The following LARS2 variants were observed in gnomAD, a reference collection of about 807,000 sequenced individuals.
LARS2 encodes leucine--tRNA ligase, mitochondrial.
LARS2 carries 81 observed loss-of-function variants against 116.6 expected under a neutral mutation model. The observed-to-expected ratio is 0.69, with a 90% CI of 0.58 to 0.84. The LOEUF (loss-of-function observed/expected upper bound fraction) is 0.84, where lower values mean the gene tolerates loss of function less well. Ranked by LOEUF, LARS2 falls within the 40% of genes least tolerant of loss-of-function variation. LARS2 has a pLI of 0.00. For missense variants in LARS2, 968 were observed against 1,114.5 expected (o/e 0.87, Z 1.87); for synonymous variants, 396 against 407.2 (o/e 0.97, Z 0.33).
intron 16 of LARS2, 50 bp downstream of exon 16, chr3:45,513,285 C>A: frequency 8.0e-7 from 1 of 1,252,444 alleles, no homozygotes; most frequent in Non-Finnish European, 1.2e-6. Context: ...AGAGCCAAGG[C>A]CAGGCCTGAG....
chr3:45,491,455 G>A lies in LARS2; in HGVS notation c.1240-62G>A, dbSNP rs1042468062. ...CATAAACATGGCAGGACTGGTGGCA[G>A]CATCAGGGTGGTGACTGGTGCTATG... On this transcript the variant is annotated intron_variant, in intron 12 of 21. Transcript: ENST00000645846. The A allele has an allele frequency of 9.7e-6, 15 of 1,547,404 alleles. No individual in the cohort carries two copies. In the Admixed American group the frequency reaches 2.6e-4, roughly 26 times the overall value.
At chr3:45,440,877 A>G (rs1315833562) in intron 6 of LARS2, among the ~76,000 whole-genome samples, 2 of 152,020 alleles carry the variant, frequency 1.3e-5, no homozygotes, top group Non-Finnish European at 2.9e-5. Context: ...CGAAAAGCCA[A>G]TATTTGTTAA....
At chr3:45,413,546 CAG>C (rs1485397502) in intron 4 of LARS2, among the ~76,000 whole-genome samples, 1 of 152,168 alleles carries the variant, frequency 6.6e-6, no homozygotes, top group African/African-American at 2.4e-5. Context: ...AGTAAACAGG[CAG>C]AGTTAGATTT....
intron 6 of LARS2, among the ~76,000 whole-genome samples, chr3:45,422,801 C>T (rs529082667): frequency 6.6e-6 from 1 of 152,150 alleles, no homozygotes; most frequent in Admixed American, 6.5e-5. Flanking sequence ...AAACTTTTAG[C>T]CTTTATTTGT....
chr3:45,440,786 G>A (rs1348116708), intron 6 of LARS2, among the ~76,000 whole-genome samples: 3 of 152,160 alleles, frequency 2.0e-5, no homozygotes, highest in African/African-American at 7.2e-5. Context: ...AGCCAGAGCT[G>A]ACTGGGAGCA....
intron 8 of LARS2, among the ~76,000 whole-genome samples, chr3:45,464,430 T>C (rs891684366): frequency 6.6e-6 from 1 of 152,142 alleles, no homozygotes; most frequent in African/African-American, 2.4e-5. Context: ...CTCTAGAAAT[T>C]GGGCCTCTTG....
chr3:45,514,367 C>T (rs1055442146), intron 16 of LARS2, among the ~76,000 whole-genome samples: 1 of 152,196 alleles, frequency 6.6e-6, no homozygotes, highest in Admixed American at 6.5e-5. Context: ...GCAGCCTCTC[C>T]AGCCAAACAT....
At chr3:45,489,118 T>A (rs551725549) in intron 12 of LARS2, among the ~76,000 whole-genome samples, 17 of 152,334 alleles carry the variant, frequency 1.1e-4, no homozygotes, top group Non-Finnish European at 2.4e-4. Flanking sequence ...TGAAATTGTT[T>A]CTTTTTCCTA....
At chr3:45,460,380 A>G (rs1345348223) in intron 8 of LARS2, among the ~76,000 whole-genome samples, 1 of 152,200 alleles carries the variant, frequency 6.6e-6, no homozygotes, top group East Asian at 1.9e-4. Context: ...ATGCTTGGTT[A>G]CCTCTTGGAC....
At chr3:45,470,014 CCAGCT>C (rs1430760175) in intron 8 of LARS2, among the ~76,000 whole-genome samples, 6 of 152,164 alleles carry the variant, frequency 3.9e-5, no homozygotes, top group Admixed American at 3.9e-4. Context: ...AAATCTGTGT[CCAGCT>C]CTTAAGGTTT....
rs1700397027 is a variant in LARS2 at position 45,518,006 on chromosome 3, G to A, written c.2148G>A (p.Leu716=). The change falls in exon 18 of 22, where the codon CTG becomes CTA. Residue 716 remains leucine, a synonymous_variant. Transcript: ENST00000645846. The part of the protein sequence containing the change: ...RASGKSPQPQ[L]LSNKEKAEAR... ...CTGGGAAGTCTCCCCAGCCTCAGCT[G>A]CTGAGTAACAAGGAGAAAGCTGAGG... The A allele has an allele frequency of 1.4e-5, 23 of 1,613,746 alleles. 1 individual carries two copies. In the Middle Eastern group the frequency reaches 5.0e-4, roughly 35 times the overall value.
intron 3 of LARS2, 80 bp downstream of exon 3, chr3:45,394,767 A>G: frequency 1.1e-6 from 1 of 896,074 alleles, no homozygotes; most frequent in East Asian, 2.5e-5. Context: ...ACCTGGTTCA[A>G]ATAAGATATT....
Position 45,541,856 on chromosome 3 carries a change from G to C in LARS2, c.2432G>C (p.Cys811Ser). 1 of 1,614,206 alleles carries C rather than the reference G, an allele frequency of 6.2e-7. No individual in the cohort carries two copies. Among genetic ancestry groups the C allele is most frequent in the East Asian group, 2.2e-5 (1 of 44,884 alleles). Residue 811 changes from cysteine (C) to serine (S), a missense_variant, in exon 21 of 22, where the codon TGT (cysteine) becomes TCT (serine). Transcript: ENST00000645846. ...AGLALVPRKL[C>S]AHYTWDASVL... ...CTGGCGCTGGTGCCGAGGAAGCTCT[G>C]TGCCCACTACACTTGGGATGCCAGT...
chr3:45,476,581 CA>C lies in LARS2; in HGVS notation c.973del (p.Ser325AlafsTer3). ...SPSHRLLHGH[S>X]SLKEALRMAL... Reference sequence around the variant, plus strand: ...CCAGCCACAGACTCCTACATGGGCACAGCTCTCTGAAGGAAGCCTTGAGGAT... The same window carrying C: ...CCAGCCACAGACTCCTACATGGGCACGCTCTCTGAAGGAAGCCTTGAGGAT... On this transcript the variant is annotated frameshift_variant, in exon 10 of 22. Transcript: ENST00000645846. LOFTEE classifies it high-confidence loss of function. The C allele has an allele frequency of 6.2e-7, 1 of 1,614,178 alleles. No individual in the cohort carries two copies. Among genetic ancestry groups the C allele is most frequent in the African/African-American group, 1.3e-5 (1 of 75,046 alleles).
intron 11 of LARS2, among the ~76,000 whole-genome samples, chr3:45,487,286 T>TC (rs1450229560): frequency 3.9e-5 from 6 of 152,254 alleles, no homozygotes; most frequent in African/African-American, 1.4e-4. Context: ...TTGCCATTTG[T>TC]CCTCAACCTT....
At chr3:45,426,295 A>T (rs1158035771) in intron 6 of LARS2, among the ~76,000 whole-genome samples, 1 of 152,190 alleles carries the variant, frequency 6.6e-6, no homozygotes, top group Non-Finnish European at 1.5e-5. Flanking sequence ...AATGCATGAA[A>T]ACTCAGTGGG....
rs574438274 is a variant in LARS2 at position 45,451,109 on chromosome 3, T to C, written c.606+4129T>C. 3.3e-5 allele frequency among the ~76,000 whole-genome samples: 5 copies of C among 152,314 alleles called. No individual in the cohort carries two copies. In the South Asian group the frequency reaches 1.0e-3, roughly 32 times the overall value. Reference sequence around the variant, plus strand: ...ATATATTCTGGTTATTAATCCCTTGTCAGATGAATAATTTGCGAATATTTT... The same window carrying C: ...ATATATTCTGGTTATTAATCCCTTGCCAGATGAATAATTTGCGAATATTTT... On this transcript the variant is annotated intron_variant, in intron 7 of 21. Transcript: ENST00000645846.
intron 7 of LARS2, among the ~76,000 whole-genome samples, chr3:45,455,445 C>T (rs1699198988): frequency 6.6e-6 from 1 of 152,048 alleles, no homozygotes; most frequent in Admixed American, 6.6e-5. Flanking sequence ...GGAGATGCCT[C>T]TTGAATGAAC....
At chr3:45,483,086 G>A (rs137901845) in intron 10 of LARS2, among the ~76,000 whole-genome samples, 41 of 152,298 alleles carry the variant, frequency 2.7e-4, no homozygotes, top group African/African-American at 9.1e-4. Context: ...CTAGCCATGT[G>A]TCCAACTCAA....
Sources: allele counts gnomAD v4.1 joint callset (sites outside exome capture counted in the v4.1 genomes callset), GRCh38; gene constraint gnomAD v4.1.1; transcripts MANE v1.5; gene names NCBI Gene and HGNC (gene_info 2026-07-23, HGNC 2026-07-21).